SGCD: variants seen among roughly 807,000 people sequenced by gnomAD.
SGCD encodes the protein sarcoglycan delta, also known as delta-sarcoglycan.
A neutral mutation model predicts 36.6 loss-of-function variants in SGCD; 18 were observed. The ratio of observed to expected loss-of-function variants is 0.49; its 90% CI spans 0.34 to 0.73. The LOEUF (loss-of-function observed/expected upper bound fraction) is 0.73, where lower values mean the gene tolerates loss of function less well. Ranked by LOEUF, SGCD falls within the 30% of genes least tolerant of loss-of-function variation. The pLI, the probability that SGCD is intolerant of heterozygous loss-of-function variation, is 0.01. For synonymous variants in SGCD, 133 were observed against 130.6 expected (o/e 1.02, Z -0.12); for missense variants, 387 against 346.7 (o/e 1.12, Z -0.92).
At chr5:156,088,151 A>G (rs1238158711) in intron 1 of SGCD, among the ~76,000 whole-genome samples, 1 of 152,106 alleles carries the variant, frequency 6.6e-6, no homozygotes, top group Non-Finnish European at 1.5e-5. Flanking sequence ...ATCTGACTTA[A>G]GTGTCCTGCT....
At chr5:156,579,138 C>T (rs1229501532) in intron 4 of SGCD, among the ~76,000 whole-genome samples, 1 of 152,164 alleles carries the variant, frequency 6.6e-6, no homozygotes, top group Non-Finnish European at 1.5e-5. Flanking sequence ...TTTCAAAGAA[C>T]ATCCTTATTT....
chr5:156,473,196 A>G lies in SGCD; in HGVS notation c.193-35405A>G, dbSNP rs138503582. On this transcript the variant is annotated intron_variant, in intron 3 of 8. Coordinates refer to ENST00000337851, the MANE Select transcript of SGCD (RefSeq NM_000337.6). ...TACCACCTGTACTTAATGATATACA[A>G]TGTTCCCATCTCATCCACAGGAGAT... 2.2e-3 allele frequency among the ~76,000 whole-genome samples: 337 copies of G among 152,324 alleles called. 2 individuals carry two copies. Among genetic ancestry groups the G allele is most frequent in the Middle Eastern group, 6.8e-3 (2 of 294 alleles).
intron 4 of SGCD, among the ~76,000 whole-genome samples, chr5:156,557,774 G>A (rs1436862442): frequency 6.6e-6 from 1 of 151,960 alleles, no homozygotes; most frequent in East Asian, 1.9e-4. Context: ...TCCTCATCAA[G>A]CTGTACATAG....
At chr5:156,592,377 A>G (rs1760759718) in intron 5 of SGCD, among the ~76,000 whole-genome samples, 1 of 152,140 alleles carries the variant, frequency 6.6e-6, no homozygotes, top group Admixed American at 6.6e-5. Context: ...CACTGACAAT[A>G]TAATATAGAT....
intron 1 of SGCD, among the ~76,000 whole-genome samples, chr5:156,046,363 G>A (rs1324217660): frequency 6.6e-6 from 1 of 151,936 alleles, no homozygotes; most frequent in Non-Finnish European, 1.5e-5. Flanking sequence ...TACTATGCAG[G>A]CATACCTAGT....
intron 1 of SGCD, among the ~76,000 whole-genome samples, chr5:156,111,893 C>T (rs1761796861): frequency 6.6e-6 from 1 of 152,034 alleles, no homozygotes; most frequent in Non-Finnish European, 1.5e-5. Context: ...ATTCTCCTGC[C>T]TCAGCCTCCT....
chr5:155,928,638 A>T (rs751411412), intron 1 of SGCD, among the ~76,000 whole-genome samples: 1 of 142,234 alleles, frequency 7.0e-6, no homozygotes, highest in Non-Finnish European at 1.5e-5. Flanking sequence ...ACTGCACTCC[A>T]GCCTGCTGAC....
chr5:156,506,055 A>G (rs1756680639), intron 3 of SGCD, among the ~76,000 whole-genome samples: 1 of 152,204 alleles, frequency 6.6e-6, no homozygotes, highest in African/African-American at 2.4e-5. Context: ...GAAATTCCAC[A>G]GTTTGACTGT....
At chr5:156,303,317 G>A (rs564908529) in intron 3 of SGCD, among the ~76,000 whole-genome samples, 31 of 152,138 alleles carry the variant, frequency 2.0e-4, no homozygotes, top group African/African-American at 7.2e-4. Flanking sequence ...TAGGCCCAAA[G>A]GTCTTTAGTT....
chr5:156,211,726 A>G (rs369152367), intron 3 of SGCD, among the ~76,000 whole-genome samples: 6 of 152,092 alleles, frequency 3.9e-5, no homozygotes, highest in East Asian at 1.9e-4. Context: ...TTCTAATAAT[A>G]TAAGGAATGA....
chr5:156,074,779 A>T (rs1376083128), intron 1 of SGCD, among the ~76,000 whole-genome samples: 2 of 152,240 alleles, frequency 1.3e-5, no homozygotes, highest in African/African-American at 4.8e-5. Context: ...TGCACAATAA[A>T]ATAGGTGATA....
intron 1 of SGCD, among the ~76,000 whole-genome samples, chr5:155,890,847 A>G (rs968119104): frequency 6.6e-6 from 1 of 151,960 alleles, no homozygotes; most frequent in Non-Finnish European, 1.5e-5. Context: ...CTCAAGACTC[A>G]TTGTCTGGGG....
intron 3 of SGCD, among the ~76,000 whole-genome samples, chr5:156,185,850 T>TAGAGAG (rs201378824): frequency 5.2e-3 from 252 of 48,062 alleles, no homozygotes; most frequent in Admixed American, 8.1e-3. Flanking sequence ...TATATATATA[T>TAGAGAG]AGAGAGAGAG....
intron 1 of SGCD, among the ~76,000 whole-genome samples, chr5:156,101,539 G>A (rs1234320334): frequency 1.3e-5 from 2 of 152,086 alleles, no homozygotes; most frequent in Non-Finnish European, 2.9e-5. Flanking sequence ...CTAATGAATC[G>A]TTATTGCCCC....
intron 4 of SGCD, among the ~76,000 whole-genome samples, chr5:156,545,678 G>A (rs772870562): frequency 4.6e-5 from 7 of 152,160 alleles, no homozygotes; most frequent in Admixed American, 1.3e-4. Flanking sequence ...ATGCTCACTC[G>A]CCTGCCACTC....
chr5:155,876,354 A>G (rs1755768068), intron 1 of SGCD, among the ~76,000 whole-genome samples: 1 of 152,006 alleles, frequency 6.6e-6, no homozygotes, highest in Non-Finnish European at 1.5e-5. Context: ...ATATCTGTAT[A>G]TCTTTCCATT....
chr5:156,071,480 A>G (rs1318258302), intron 1 of SGCD, among the ~76,000 whole-genome samples: 1 of 152,160 alleles, frequency 6.6e-6, no homozygotes, highest in South Asian at 2.1e-4. Flanking sequence ...GTTTGATTGC[A>G]CTGTGGTCTG....
the SGCD span, among the ~76,000 whole-genome samples, chr5:155,865,053 G>T: frequency 1.3e-5 from 2 of 151,388 alleles, no homozygotes; most frequent in Admixed American, 6.6e-5. Flanking sequence ...GGACCCCAAA[G>T]AACTTTTATT....
rs1189540837 is a variant in SGCD, at chr5:156,269,505, A to AAAAAAAAAAAC, written c.-43-60024_-43-60023insAAAAACAAAAA. ...AAAAAAAAAAAAAAAAAAAAAAAAA[A>AAAAAAAAAAAC]AAAAACCATCAGATCTCATGAAACT... On this transcript the variant is annotated intron_variant, in intron 3 of 9. Coordinates refer to the SGCD transcript ENST00000517913. Among the ~76,000 whole-genome samples the AAAAAAAAAAAC allele has an allele frequency of 4.8e-4, 41 of 86,196 alleles. 4 individuals carry two copies. The highest frequency in any genetic ancestry group is 8.5e-4 in the Non-Finnish European group (35 of 41,326). 56.5% of individuals were successfully genotyped at this position (86,196 alleles called of 152,430 possible). A position where few individuals can be genotyped will look rare whatever the true frequency, so the allele number is the denominator to read the frequency against.
Sources: gnomAD v4.1 joint callset for allele counts (sites outside exome capture counted in the v4.1 genomes callset) on GRCh38, gnomAD v4.1.1 for gene constraint, MANE v1.5 for transcripts, NCBI Gene and HGNC (gene_info 2026-07-23, HGNC 2026-07-21) for gene names.